Variants in PFKFB2 observed in about 807,000 individuals in gnomAD.
PFKFB2 encodes 6-phosphofructo-2-kinase/fructose-2,6-bisphosphatase 2.
PFKFB2 carries 53 observed loss-of-function variants against 68.0 expected under a neutral mutation model. That is an observed-to-expected ratio of 0.78 (90% CI 0.63 to 0.98). The LOEUF (loss-of-function observed/expected upper bound fraction) is 0.98, where lower values mean the gene tolerates loss of function less well. Among genes scored for constraint, PFKFB2 ranks in the 50% least tolerant of loss-of-function variants. PFKFB2 has a pLI of 0.00. For missense variants in PFKFB2, 451 were observed against 642.0 expected (o/e 0.70, Z 3.22); for synonymous variants, 222 against 227.6 (o/e 0.98, Z 0.22).
upstream of PFKFB2, chr1:207,049,192 A>G (rs1682671104): frequency 3.1e-6 from 5 of 1,614,108 alleles, no homozygotes; most frequent in South Asian, 3.3e-5. Context: ...TACAAGAACA[A>G]TATCATCATT....
At chr1:207,065,604 G>A (rs889461119) in intron 8 of PFKFB2, among the ~76,000 whole-genome samples, 9 of 151,870 alleles carry the variant, frequency 5.9e-5, no homozygotes, top group Non-Finnish European at 7.4e-5. Flanking sequence ...CACCCGCCTC[G>A]GCCTCCCAAA....
At chr1:207,044,977 A>T (rs975218207) in intron 2 of PFKFB2, 1 of 152,380 alleles carries the variant, frequency 6.6e-6, no homozygotes, top group Non-Finnish European at 1.5e-5. Context: ...AAAAATAAAC[A>T]CTCTCCCACA....
In PFKFB2 at chr1:207,073,399, G is replaced by T. The variant is rs917734755; in HGVS notation, c.*1028G>T. On this transcript the variant is annotated 3_prime_UTR_variant, in exon 15 of 15. Coordinates refer to ENST00000367080, the MANE Select transcript of PFKFB2 (RefSeq NM_006212.2). ...TCCTCTGGGGCTGTTTAGAAGGGCA[G>T]TTAGATTCAGGAGTCACCACTGATG... The T allele has an allele frequency of 2.0e-6, 2 of 985,342 alleles. No individual in the cohort carries two copies. The highest frequency in any genetic ancestry group is 6.1e-5 in the Admixed American group (1 of 16,266). 61.0% of individuals were successfully genotyped at this position (985,342 alleles called of 1,614,324 possible).
downstream of PFKFB2, chr1:207,077,834 T>G: frequency 1.0e-6 from 1 of 983,810 alleles, no homozygotes; most frequent in South Asian, 4.7e-5. Context: ...GGCTTCTGGG[T>G]TTTTTGTTTA....
intron 2 of PFKFB2, chr1:207,047,677 T>TAAA (rs1682631669): frequency 1.3e-5 from 2 of 152,684 alleles, no homozygotes; most frequent in African/African-American, 4.8e-5. Context: ...AGCTAAGTTT[T>TAAA]AGAGGGTGTG....
rs1196947534 is a variant in PFKFB2 at position 207,076,821 on chromosome 1, CCTGA to C, written c.*4453_*4456del. ...AGACTATAGTAAAATTTGGGTGTTG[CCTGA>C]CTAACGGTCTAGGGTCTGTAAGCTG... is the stretch of plus-strand genomic sequence containing the variant. On this transcript the variant is annotated 3_prime_UTR_variant, in exon 15 of 15. Transcript: ENST00000367080. The C allele has an allele frequency of 7.1e-6, 7 of 985,210 alleles. No homozygotes were observed. The highest frequency in any genetic ancestry group is 8.4e-6 in the Non-Finnish European group (7 of 829,890). The allele number at this position is 985,210 out of a possible 1,614,324, so 61.0% of individuals were successfully genotyped here. A position where few individuals can be genotyped will look rare whatever the true frequency, so the allele number is the denominator to read the frequency against.
Position 207,063,239 on chromosome 1 carries a change from G to A in PFKFB2, c.375+30G>A, listed in dbSNP as rs1683169803. On this transcript the variant is annotated intron_variant, in intron 5 of 14. Transcript: ENST00000367080. This position sits in a 1 kb window ranked among gnomAD's most constrained non-coding sequence, Gnocchi z 4.1. ...GCTTTATCTGCTGCTTCTTCTTTCTGGTCCCCACCCTTGCAGCAGCCTGGC... is the reference window on the plus strand; with the variant it reads ...GCTTTATCTGCTGCTTCTTCTTTCTAGTCCCCACCCTTGCAGCAGCCTGGC... 2 of 1,605,892 alleles carry A rather than the reference G, an allele frequency of 1.2e-6. No homozygotes were observed. The highest frequency in any genetic ancestry group is 1.7e-6 in the Non-Finnish European group (2 of 1,172,532).
downstream of PFKFB2, chr1:207,079,273 C>T (rs1437241316): frequency 7.1e-6 from 4 of 561,668 alleles, no homozygotes; most frequent in Non-Finnish European, 1.3e-5. Context: ...TTTGTCATCT[C>T]TGTGCTGAGT....
intron 8 of PFKFB2, among the ~76,000 whole-genome samples, chr1:207,065,900 A>G (rs1446639732): frequency 6.6e-6 from 1 of 152,202 alleles, no homozygotes; most frequent in Non-Finnish European, 1.5e-5. Context: ...CTGGTTGAGA[A>G]TCACTGCTCC....
chr1:207,076,584 A>G lies in PFKFB2; in HGVS notation c.*4213A>G. 4.4e-6 allele frequency: 4 copies of G among 919,444 alleles called. No individual in the cohort carries two copies. The highest frequency in any genetic ancestry group is 5.0e-6 in the Non-Finnish European group (4 of 798,196). The allele number at this position is 919,444 out of a possible 1,614,324, so 57.0% of individuals were successfully genotyped here. Reference sequence around the variant, plus strand: ...AATTGTGTCCAGGGATTTAATTTAGACCCATACTGTCCAGGAGACTGTCTC... The same window carrying G: ...AATTGTGTCCAGGGATTTAATTTAGGCCCATACTGTCCAGGAGACTGTCTC... On this transcript the variant is annotated 3_prime_UTR_variant, in exon 15 of 15. Transcript: ENST00000367080.
rs754558885 is a variant in PFKFB2 at position 207,062,671 on chromosome 1, A to G, written c.263A>G (p.Tyr88Cys). The change falls in exon 4 of 15, where the codon TAC (tyrosine) becomes TGC (cysteine). Residue 88 changes from tyrosine to cysteine, a missense_variant. Transcript: ENST00000367080. ...RREAVKSYKS[Y>C]DFFRHDNEEA... ...GAAGCAGTCAAGTCCTATAAGTCCT[A>G]CGACTTCTTTCGGCATGACAATGAG... 1 of 1,614,162 alleles carries G rather than the reference A, an allele frequency of 6.2e-7. No homozygotes were observed. Among genetic ancestry groups the G allele is most frequent in the Non-Finnish European group, 8.5e-7 (1 of 1,180,014 alleles).
chr1:207,036,092 G>C (rs766168126), intron 1 of PFKFB2, among the ~76,000 whole-genome samples: 2 of 152,090 alleles, frequency 1.3e-5, no homozygotes, highest in Non-Finnish European at 2.9e-5. Flanking sequence ...ACAGCACCAA[G>C]ACATTCATGA....
In PFKFB2 at chr1:207,072,556, T is replaced by C; in HGVS notation, c.*185T>C. The C allele has an allele frequency of 7.4e-7, 1 of 1,348,398 alleles. No individual in the cohort carries two copies. Among genetic ancestry groups the C allele is most frequent in the Non-Finnish European group, 9.5e-7 (1 of 1,051,490 alleles). The allele number at this position is 1,348,398 out of a possible 1,614,324, so 83.5% of individuals were successfully genotyped here. On this transcript the variant is annotated 3_prime_UTR_variant, in exon 15 of 15. Transcript: ENST00000367080. ...GTGTTTATAGGACAACTTAAGCTGT[T>C]CTTCAGTTTGAAACATCTTTTCACC... is the stretch of plus-strand genomic sequence containing the variant.
At chr1:207,079,103 C>G, downstream of PFKFB2, 1 of 1,224,792 alleles carries the variant, frequency 8.2e-7, no homozygotes, top group Non-Finnish European at 1.2e-6. Flanking sequence ...GAGGCTAGAA[C>G]AGGAAGTTAA....
intron 2 of PFKFB2, among the ~76,000 whole-genome samples, chr1:207,042,798 C>G (rs929336124): frequency 6.6e-6 from 1 of 152,036 alleles, no homozygotes; most frequent in Non-Finnish European, 1.5e-5. Flanking sequence ...GAATATTCAA[C>G]GTTAGGATTT....
At chr1:207,060,417 T>C (rs1320351888) in intron 2 of PFKFB2, among the ~76,000 whole-genome samples, 3 of 152,254 alleles carry the variant, frequency 2.0e-5, no homozygotes, top group Admixed American at 6.5e-5. Context: ...TGGGCCATGG[T>C]GGCAGATTGG....
chr1:207,042,939 T>C (rs1184667358), intron 2 of PFKFB2, among the ~76,000 whole-genome samples: 1 of 152,132 alleles, frequency 6.6e-6, no homozygotes, highest in East Asian at 1.9e-4. Flanking sequence ...GACATAAAAC[T>C]GGTATAAGCC....
Position 207,072,379 on chromosome 1 carries a change from C to T in PFKFB2, c.*8C>T. 6.2e-7 allele frequency: 1 copy of T among 1,611,444 alleles called. No individual in the cohort carries two copies. On this transcript the variant is annotated 3_prime_UTR_variant, in exon 15 of 15. Transcript: ENST00000367080. The stretch of plus-strand genomic sequence containing the variant: ...CAAGAAGGGGCCGACTAGCCGAAGA[C>T]CCAAGTCAGCATTCCGGTGGTGTAA...
chr1:207,079,002 C>T (rs1200392859), downstream of PFKFB2: 2 of 1,611,532 alleles, frequency 1.2e-6, no homozygotes, highest in Non-Finnish European at 8.5e-7. Flanking sequence ...CGCAGCGTCC[C>T]TCATGTTGCC....
Sources: allele counts gnomAD v4.1 joint callset (sites outside exome capture counted in the v4.1 genomes callset), GRCh38; gene constraint gnomAD v4.1.1; non-coding constraint Gnocchi (gnomAD v3.1); transcripts MANE v1.5; gene names NCBI Gene and HGNC (gene_info 2026-07-23, HGNC 2026-07-21).